The following SCN1A variants were observed in gnomAD, a reference collection of about 807,000 sequenced individuals.
The protein encoded by SCN1A is sodium channel protein type 1 subunit alpha.
Under a neutral mutation model 193.7 loss-of-function variants are expected in SCN1A, and 13 were observed. The observed-to-expected ratio is 0.07, with a 90% CI of 0.04 to 0.11. The LOEUF is 0.11. SCN1A is among the 10% of genes least tolerant of loss of function. The pLI is 1.00. For synonymous variants in SCN1A, 781 were observed against 843.6 expected (o/e 0.93, Z 1.29); for missense variants, 1,432 against 2,451.1 (o/e 0.58, Z 8.78).
intron 27 of SCN1A, 67 bp from the exon 28 acceptor site, chr2:165,994,483 T>G: frequency 1.4e-6 from 2 of 1,459,784 alleles, no homozygotes; most frequent in Non-Finnish European, 1.9e-6. Context: ...ATTAAGTACT[T>G]TCTGCATTAA....
intron 1 of SCN1A, among the ~76,000 whole-genome samples, chr2:166,137,867 A>T (rs1477623583): frequency 6.6e-6 from 1 of 152,194 alleles, no homozygotes; most frequent in African/African-American, 2.4e-5. Context: ...CTCCCTAGAG[A>T]CTTGTTGAAT....
Position 166,036,203 on chromosome 2 carries a change from C to T in SCN1A, c.3274G>A (p.Val1092Ile), listed in dbSNP as rs761200288. Residue 1092 changes from valine (V) to isoleucine (I), a missense_variant, in exon 19 of 29, where the codon GTT becomes ATT. Val to Ile is a conservative substitution (Grantham distance 29). This residue lies in a region of SCN1A where 198 missense variants were observed against 225.8 expected (regional missense o/e 0.88). Coordinates refer to ENST00000674923, the MANE Select transcript of SCN1A (RefSeq NM_001165963.4). ...TTSGIGTGSS[V>I]EKYIIDESDY... ...CTTTCATCAATAATGTATTTTTCAA[C>T]ACTGCTGCCAGTTCCTATACCACTT... is the stretch of plus-strand genomic sequence containing the variant. The T allele has an allele frequency of 1.2e-6, 2 of 1,613,860 alleles. No individual in the cohort carries two copies. Among genetic ancestry groups the T allele is most frequent in the Non-Finnish European group, 1.7e-6 (2 of 1,179,942 alleles).
rs1390182732 is a variant in SCN1A, at chr2:165,987,720, G to A, written c.*3525C>T. 6 of 152,164 alleles carry A rather than the reference G, an allele frequency of 3.9e-5. No homozygotes were observed. In the South Asian group the frequency reaches 1.0e-3, roughly 26 times the overall value. 9.4% of individuals were successfully genotyped at this position (152,164 alleles called of 1,614,324 possible). A position where few individuals can be genotyped will look rare whatever the true frequency, so the allele number is the denominator to read the frequency against. On this transcript the variant is annotated 3_prime_UTR_variant, in exon 29 of 29. Transcript: ENST00000674923. ...TGACATGACCTCATCATTCTTTGAA[G>A]AATAATTACTTTTTAGCACAGAAAA... is the stretch of plus-strand genomic sequence containing the variant.
chr2:165,996,100 G>C lies in SCN1A; in HGVS notation c.4494C>G (p.Ile1498Met). The change falls in exon 27 of 29, where the codon ATC becomes ATG. Residue 1498 changes from isoleucine (I) to methionine (M), a missense_variant. By Grantham distance (10) the Ile-to-Met change is conservative. Coordinates refer to ENST00000674923, the MANE Select transcript of SCN1A (RefSeq NM_001165963.4). ...QQKKKFGGQD[I>M]FMTEEQKKYY... The stretch of plus-strand genomic sequence containing the variant: ...ATTTCTTCTGTTCTTCTGTCATAAA[G>C]ATGTCTTGACCTCCAAAGTATAGAA... 1 of 1,606,004 alleles carries C rather than the reference G, an allele frequency of 6.2e-7. No homozygotes were observed. The highest frequency in any genetic ancestry group is 8.5e-7 in the Non-Finnish European group (1 of 1,174,346).
At chr2:166,081,275 C>T (rs1685492924) in intron 2 of SCN1A, among the ~76,000 whole-genome samples, 1 of 151,958 alleles carries the variant, frequency 6.6e-6, no homozygotes, top group Non-Finnish European at 1.5e-5. Context: ...TGTACGATAG[C>T]TCACAATGAA....
intron 1 of SCN1A, among the ~76,000 whole-genome samples, chr2:166,135,024 T>C (rs1691801416): frequency 6.6e-6 from 1 of 152,222 alleles, no homozygotes; most frequent in African/African-American, 2.4e-5. Context: ...TCTGTGTTTA[T>C]GTGTTCTTTC....
chr2:166,045,457 T>G, intron 12 of SCN1A, 130 bp from the exon 13 acceptor site: 1 of 1,073,564 alleles, frequency 9.3e-7, no homozygotes, highest in South Asian at 1.3e-5. Context: ...CAGAGAAGAT[T>G]CTCTGCAAGT....
Position 166,052,849 on chromosome 2 carries a change from C to T in SCN1A, c.694+3G>A. On this transcript the variant is annotated splice_donor_region_variant and intron_variant, in intron 8 of 28. Coordinates refer to ENST00000674923, the MANE Select transcript of SCN1A (RefSeq NM_001165963.4). ...CCGTCTCATTATCTAACCTTGCTCT[C>T]ACCTGGAATGACTGAAATCGTCTTC... The T allele has an allele frequency of 6.2e-7, 1 of 1,610,540 alleles. No individual in the cohort carries two copies. Among genetic ancestry groups the T allele is most frequent in the Non-Finnish European group, 8.5e-7 (1 of 1,177,478 alleles).
At chr2:166,018,179 GT>G (rs1167598948) in intron 19 of SCN1A, among the ~76,000 whole-genome samples, 1 of 151,908 alleles carries the variant, frequency 6.6e-6, no homozygotes, top group Non-Finnish European at 1.5e-5. Flanking sequence ...CCAATAACTA[GT>G]TTTGCTTTTT....
chr2:165,991,743 T>C lies in SCN1A; in HGVS notation c.5532A>G (p.Pro1844=), dbSNP rs886043063. 1.2e-5 allele frequency: 20 copies of C among 1,613,840 alleles called. No homozygotes were observed. Among genetic ancestry groups the C allele is most frequent in the Non-Finnish European group, 1.6e-5 (19 of 1,179,946 alleles). Residue 1844 remains proline, a synonymous_variant, in exon 29 of 29, where the codon CCA becomes CCG. Coordinates refer to ENST00000674923, the MANE Select transcript of SCN1A (RefSeq NM_001165963.4). ...CCATGGCAATGAGCTGGAGTTTGTT[T>C]GGTTGTGGCAGATTGAGAGGCGGTT... is the stretch of plus-strand genomic sequence containing the variant. The part of the protein sequence containing the change: ...ALEPPLNLPQ[P]NKLQLIAMDL...
chr2:166,108,896 A>G (rs1449696269), intron 2 of SCN1A, among the ~76,000 whole-genome samples: 1 of 152,152 alleles, frequency 6.6e-6, no homozygotes, highest in Non-Finnish European at 1.5e-5. Context: ...GCACAACTCT[A>G]TAAATATACA....
In SCN1A at chr2:166,048,877, T is replaced by C; in HGVS notation, c.1028+9A>G. ...AATATACACAGATACACACAAATTA[T>C]TGACTTACCCTGCATCAGAGCTATT... On this transcript the variant is annotated intron_variant, in intron 10 of 28. Transcript: ENST00000674923. 2.6e-6 allele frequency: 4 copies of C among 1,563,360 alleles called. No individual in the cohort carries two copies. Among genetic ancestry groups the C allele is most frequent in the Non-Finnish European group, 3.5e-6 (4 of 1,134,444 alleles).
rs1050630274 is a variant in SCN1A at position 166,088,810 on chromosome 2, C to T, written c.-141-11009G>A. Reference sequence around the variant, plus strand: ...TTGTTGTTCTCTAGGTAGAGTGTTGCGTAAAGGAAACAGTGATGTCCAAAG... The same window carrying T: ...TTGTTGTTCTCTAGGTAGAGTGTTGTGTAAAGGAAACAGTGATGTCCAAAG... On this transcript the variant is annotated intron_variant, in intron 2 of 28. Coordinates refer to ENST00000674923, the MANE Select transcript of SCN1A (RefSeq NM_001165963.4). Among the ~76,000 whole-genome samples, 9 of 151,938 alleles carry T rather than the reference C, an allele frequency of 5.9e-5. No homozygotes were observed. In the South Asian group the frequency reaches 8.3e-4, roughly 14 times the overall value.
In SCN1A at chr2:166,083,954, A is replaced by G. The variant is rs186767346; in HGVS notation, c.-141-6153T>C. ...GACAGAGATTTGGGAGGATGTAGAG[A>G]GTGAAGTCTAATCCTCGTGACTGTG... On this transcript the variant is annotated intron_variant, in intron 2 of 28. Transcript: ENST00000674923. Among the ~76,000 whole-genome samples the G allele has an allele frequency of 4.3e-4, 65 of 152,266 alleles. 3 individuals are homozygous for G. The East Asian group carries it at 0.01, about 24-fold the overall frequency.
intron 1 of SCN1A, among the ~76,000 whole-genome samples, chr2:166,147,285 C>G (rs927399411): frequency 2.0e-5 from 3 of 152,168 alleles, no homozygotes. Context: ...AATGTAATCT[C>G]ACTTTAACAT....
intron 19 of SCN1A, among the ~76,000 whole-genome samples, chr2:166,028,380 AT>A (rs79977780): frequency 0.14 from 20,598 of 152,188 alleles, 1,771 homozygotes; most frequent in East Asian, 0.33. Flanking sequence ...CAGAGCTTCT[AT>A]AATGTTATTT....
At chr2:166,092,517 A>G (rs903913421) in intron 2 of SCN1A, 1 of 152,168 alleles carries the variant, frequency 6.6e-6, no homozygotes, top group African/African-American at 2.4e-5. Flanking sequence ...AGAACAGGTC[A>G]TATCTTTTGG....
At chr2:166,124,474 G>A (rs1691007895) in intron 2 of SCN1A, among the ~76,000 whole-genome samples, 1 of 152,110 alleles carries the variant, frequency 6.6e-6, no homozygotes, top group Non-Finnish European at 1.5e-5. Flanking sequence ...TTCAACCCGG[G>A]AGGCAGAAAT....
intron 3 of SCN1A, among the ~76,000 whole-genome samples, chr2:166,074,011 C>G (rs59490038): frequency 6.6e-6 from 1 of 151,860 alleles, no homozygotes; most frequent in Non-Finnish European, 1.5e-5. Context: ...GGAGACTGTG[C>G]GTATAAAGGC....
Sources: gnomAD v4.1 joint callset for allele counts (sites outside exome capture counted in the v4.1 genomes callset) on GRCh38, gnomAD v4.1.1 for gene constraint, gnomAD v4.1.1 regional missense constraint, MANE v1.5 for transcripts, NCBI Gene and HGNC (gene_info 2026-07-23, HGNC 2026-07-21) for gene names.